The following MAP3K5 variants were observed in gnomAD, a reference collection of about 807,000 sequenced individuals.
MAP3K5 encodes the protein ASK-1.
MAP3K5 carries 56 observed loss-of-function variants against 158.7 expected under a neutral mutation model. The ratio of observed to expected loss-of-function variants is 0.35; its 90% CI spans 0.28 to 0.44. The LOEUF (loss-of-function observed/expected upper bound fraction) is 0.44, where lower values mean the gene tolerates loss of function less well. Ranked by LOEUF, MAP3K5 falls within the 20% of genes least tolerant of loss-of-function variation. The pLI, the probability that MAP3K5 is intolerant of heterozygous loss-of-function variation, is 1.00. For synonymous variants in MAP3K5, 579 were observed against 601.7 expected, an observed-to-expected ratio of 0.96 and a Z score of 0.55; for missense variants, 1,294 against 1,674.8, an observed-to-expected ratio of 0.77 and a Z score of 3.97.
intron 1 of MAP3K5, among the ~76,000 whole-genome samples, chr6:136,785,979 A>C (rs1281216266): frequency 6.6e-6 from 1 of 152,254 alleles, no homozygotes; most frequent in East Asian, 1.9e-4. Flanking sequence ...TGCTCCAAGC[A>C]AGAACCTTCA....
chr6:136,754,786 A>G (rs750506057), intron 1 of MAP3K5, among the ~76,000 whole-genome samples: 9 of 152,154 alleles, frequency 5.9e-5, no homozygotes, highest in Non-Finnish European at 8.8e-5. Context: ...GGATGCCTCA[A>G]TGGAGGTCCT....
intron 6 of MAP3K5, 114 bp from the exon 7 acceptor site, chr6:136,694,424 A>G: frequency 1.2e-6 from 1 of 844,774 alleles, no homozygotes; most frequent in Non-Finnish European, 1.8e-6. Context: ...TTGCCAGGAC[A>G]GAAACAATTA....
chr6:136,629,706 G>A (rs1253428827), intron 14 of MAP3K5, among the ~76,000 whole-genome samples: 1 of 151,670 alleles, frequency 6.6e-6, no homozygotes, highest in African/African-American at 2.4e-5. Context: ...CACCCGCCTT[G>A]GTCTCCCAAA....
chr6:136,780,274 T>C (rs1257722705), intron 1 of MAP3K5, among the ~76,000 whole-genome samples: 1 of 152,182 alleles, frequency 6.6e-6, no homozygotes, highest in Non-Finnish European at 1.5e-5. Context: ...CAAATGAATA[T>C]GGTTTGGTAG....
chr6:136,740,880 A>G (rs1782679288), intron 1 of MAP3K5, among the ~76,000 whole-genome samples: 1 of 152,216 alleles, frequency 6.6e-6, no homozygotes. Context: ...ATTTAATTGG[A>G]TCCTACTGCT....
chr6:136,604,462 G>A (rs1776018012), intron 19 of MAP3K5, among the ~76,000 whole-genome samples: 1 of 152,070 alleles, frequency 6.6e-6, no homozygotes, highest in South Asian at 2.1e-4. Context: ...GCCTTAGAAA[G>A]TAGCAGATGT....
In MAP3K5 at chr6:136,669,817, T is replaced by C. The variant is rs56113547; in HGVS notation, c.1254-422A>G. ...AGTCATTTATGTTGTAGAAGCATGT[T>C]AAAAGTCAGAAGAAAACTAGTGTTT... On this transcript the variant is annotated intron_variant, in intron 7 of 29. Coordinates refer to ENST00000359015, the MANE Select transcript of MAP3K5 (RefSeq NM_005923.4). 4.6e-3 allele frequency among the ~76,000 whole-genome samples: 695 copies of C among 152,006 alleles called. 6 individuals carry two copies. Among genetic ancestry groups the C allele is most frequent in the African/African-American group, 0.016 (675 of 41,468 alleles).
At chr6:136,790,036 A>G (rs780945976) in intron 1 of MAP3K5, among the ~76,000 whole-genome samples, 2 of 152,112 alleles carry the variant, frequency 1.3e-5, no homozygotes, top group Non-Finnish European at 2.9e-5. Flanking sequence ...GGAATCCTGC[A>G]TTGGCCACTT....
chr6:136,586,146 C>A (rs988692416), intron 23 of MAP3K5, among the ~76,000 whole-genome samples: 5 of 152,128 alleles, frequency 3.3e-5, no homozygotes, highest in African/African-American at 1.2e-4. Context: ...ACAATGGGAA[C>A]CATTATAAAC....
intron 7 of MAP3K5, among the ~76,000 whole-genome samples, chr6:136,672,808 G>A (rs1779539448): frequency 6.6e-6 from 1 of 151,872 alleles, no homozygotes; most frequent in Admixed American, 6.6e-5. Context: ...TGGCCAACAT[G>A]GTGAAATCCT....
chr6:136,714,876 C>T (rs1781455829), intron 2 of MAP3K5, among the ~76,000 whole-genome samples: 1 of 152,084 alleles, frequency 6.6e-6, no homozygotes, highest in Admixed American at 6.6e-5. Flanking sequence ...AGATCCCAAT[C>T]TAGAAAATAA....
chr6:136,598,766 G>A (rs1775742312), intron 21 of MAP3K5, among the ~76,000 whole-genome samples: 1 of 152,168 alleles, frequency 6.6e-6, no homozygotes, highest in Admixed American at 6.5e-5. Context: ...AAAGTACCTG[G>A]GGAAGGAAGA....
chr6:136,674,742 C>A (rs892772712), intron 7 of MAP3K5, among the ~76,000 whole-genome samples: 10 of 151,790 alleles, frequency 6.6e-5, no homozygotes, highest in East Asian at 3.9e-4. Flanking sequence ...AGTTGAGTAA[C>A]CCTAATAAAA....
At chr6:136,703,514 A>G (rs1780941459) in intron 3 of MAP3K5, among the ~76,000 whole-genome samples, 1 of 152,266 alleles carries the variant, frequency 6.6e-6, no homozygotes, top group Admixed American at 6.5e-5. Context: ...CCCCTGTGAG[A>G]ACCCTGAGGT....
chr6:136,724,413 A>G (rs1470948351), intron 1 of MAP3K5, among the ~76,000 whole-genome samples: 2 of 151,904 alleles, frequency 1.3e-5, no homozygotes, highest in Admixed American at 6.6e-5. Context: ...ACATCCAGCT[A>G]ATTTTTGTAT....
Position 136,644,532 on chromosome 6 carries a change from T to C in MAP3K5, c.1789-1963A>G, listed in dbSNP as rs190730242. ...GTTAGCCTCAGATCCCAGGCCCCAG[T>C]TAGGGCTAGAATAGGAGCTGGAAGT... On this transcript the variant is annotated intron_variant, in intron 11 of 29. Coordinates refer to ENST00000359015, the MANE Select transcript of MAP3K5 (RefSeq NM_005923.4). 7.3e-4 allele frequency among the ~76,000 whole-genome samples: 111 copies of C among 152,302 alleles called. 1 individual carries two copies. In the Middle Eastern group the frequency reaches 0.017, roughly 23 times the overall value.
At chr6:136,791,643 C>A in intron 1 of MAP3K5, 67 bp downstream of exon 1, 4 of 1,539,862 alleles carry the variant, frequency 2.6e-6, no homozygotes, top group Non-Finnish European at 3.6e-6. Flanking sequence ...AAATGAAATG[C>A]CCCGAAGACC....
At chr6:136,743,725 A>G (rs1782813141) in intron 1 of MAP3K5, among the ~76,000 whole-genome samples, 1 of 152,212 alleles carries the variant, frequency 6.6e-6, no homozygotes, top group Admixed American at 6.5e-5. Context: ...GTCCACACAA[A>G]ACTTGCACAC....
In MAP3K5 at chr6:136,769,634, G is replaced by A. The variant is rs143395646; in HGVS notation, c.448+22076C>T. Reference sequence around the variant, plus strand: ...GAAGAGGGAAGCCCACCAGCACTGAGTATTCAATGGGCAGGCTCCATATCA... The same window carrying A: ...GAAGAGGGAAGCCCACCAGCACTGAATATTCAATGGGCAGGCTCCATATCA... On this transcript the variant is annotated intron_variant, in intron 1 of 29. Coordinates refer to ENST00000359015, the MANE Select transcript of MAP3K5 (RefSeq NM_005923.4). 4.7e-4 allele frequency among the ~76,000 whole-genome samples: 70 copies of A among 150,180 alleles called. No individual in the cohort carries two copies. The East Asian group carries it at 0.013, about 28-fold the overall frequency.
Sources: gnomAD v4.1 joint callset for allele counts (sites outside exome capture counted in the v4.1 genomes callset) on GRCh38, gnomAD v4.1.1 for gene constraint, MANE v1.5 for transcripts, NCBI Gene and HGNC (gene_info 2026-07-23, HGNC 2026-07-21) for gene names.